PCMT1: variants seen among roughly 807,000 people sequenced by gnomAD.
PCMT1 encodes the protein protein-L-isoaspartate(D-aspartate) O-methyltransferase.
Under a neutral mutation model 29.2 loss-of-function variants are expected in PCMT1, and 9 were observed. That is an observed-to-expected ratio of 0.31 (90% CI 0.19 to 0.54). The LOEUF (loss-of-function observed/expected upper bound fraction) is 0.54, where lower values mean the gene tolerates loss of function less well. Among genes scored for constraint, PCMT1 ranks in the 20% least tolerant of loss-of-function variants. The pLI is 0.95. For missense variants in PCMT1, 184 were observed against 282.2 expected (o/e 0.65, Z 2.49); for synonymous variants, 98 against 97.5 (o/e 1.00, Z -0.03).
At chr6:149,769,308 C>CTTTTTTTTTTTTTGTTTTTTTTTTTTT (rs1787215481) in intron 1 of PCMT1, among the ~76,000 whole-genome samples, 1 of 71,562 alleles carries the variant, frequency 1.4e-5, no homozygotes, top group African/African-American at 8.6e-5. Context: ...GTGCAGGATT[C>CTTTTTTTTTTTTTGTTTTTTTTTTTTT]TTTTTTTTTT....
chr6:149,771,705 C>T (rs543141708), intron 2 of PCMT1, among the ~76,000 whole-genome samples: 12 of 151,978 alleles, frequency 7.9e-5, no homozygotes, highest in Non-Finnish European at 1.5e-4. Context: ...TTAGTAGAGA[C>T]GGGGTTTCAG....
At chr6:149,774,266 G>A (rs1787460189) in intron 3 of PCMT1, among the ~76,000 whole-genome samples, 1 of 150,698 alleles carries the variant, frequency 6.6e-6, no homozygotes, top group Admixed American at 6.6e-5. Context: ...TTGAGATGGA[G>A]TCTCACACTG....
chr6:149,773,828 A>G lies in PCMT1; in HGVS notation c.192+659A>G, dbSNP rs182426311. Among the ~76,000 whole-genome samples, 612 of 152,354 alleles carry G rather than the reference A, an allele frequency of 4.0e-3. 2 individuals are homozygous for G. Among genetic ancestry groups the G allele is most frequent in the Non-Finnish European group, 5.4e-3 (369 of 68,036 alleles). On this transcript the variant is annotated intron_variant, in intron 3 of 7. Transcript: ENST00000464889. ...TTTTAAATAGTATAATGGACATTTT[A>G]TAGAAATCTCAAGTTGAATATTATT...
intron 1 of PCMT1, among the ~76,000 whole-genome samples, chr6:149,761,801 ATAACAT>A (rs1206750969): frequency 3.3e-5 from 5 of 152,206 alleles, no homozygotes; most frequent in Admixed American, 3.3e-4. Context: ...GTCAAAGTTG[ATAACAT>A]TTACATTTTG....
At chr6:149,776,583 AT>A (rs1163702448) in intron 3 of PCMT1, among the ~76,000 whole-genome samples, 2 of 151,268 alleles carry the variant, frequency 1.3e-5, no homozygotes, top group Admixed American at 1.3e-4. Context: ...GGCCATTAAA[AT>A]TTTTTTTTGT....
intron 1 of PCMT1, among the ~76,000 whole-genome samples, chr6:149,756,353 CTTT>C (rs5880848): frequency 7.1e-6 from 1 of 141,624 alleles, no homozygotes; most frequent in Non-Finnish European, 1.5e-5. Context: ...TATTCTTTCC[CTTT>C]TTTTTTTTTT....
At chr6:149,763,857 G>T (rs1786961604) in intron 1 of PCMT1, among the ~76,000 whole-genome samples, 1 of 152,170 alleles carries the variant, frequency 6.6e-6, no homozygotes, top group Non-Finnish European at 1.5e-5. Flanking sequence ...TGACTAGATA[G>T]AAATTCAATA....
intron 6 of PCMT1, among the ~76,000 whole-genome samples, chr6:149,798,467 A>G (rs1019187537): frequency 6.6e-6 from 1 of 152,202 alleles, no homozygotes; most frequent in Non-Finnish European, 1.5e-5. Flanking sequence ...TAAATATTGT[A>G]GTAATACTTG....
At chr6:149,750,108 C>G in intron 1 of PCMT1, 152 bp downstream of exon 1, 1 of 1,094,050 alleles carries the variant, frequency 9.1e-7, no homozygotes, top group Non-Finnish European at 1.3e-6. Context: ...ACGGCGTGCG[C>G]TTGCAGTCGC....
chr6:149,772,763 A>G (rs1301081541), intron 2 of PCMT1: 5 of 349,756 alleles, frequency 1.4e-5, no homozygotes. Flanking sequence ...CACGCCTGTA[A>G]TCCTAGCACT....
At chr6:149,750,731 T>A (rs1264454285) in intron 1 of PCMT1, among the ~76,000 whole-genome samples, 1 of 152,142 alleles carries the variant, frequency 6.6e-6, no homozygotes, top group East Asian at 1.9e-4. Context: ...TTTATATCAC[T>A]CTCCTTAGTT....
chr6:149,806,233 C>T (rs938842498), intron 7 of PCMT1, among the ~76,000 whole-genome samples: 1 of 152,076 alleles, frequency 6.6e-6, no homozygotes, highest in Admixed American at 6.6e-5. Flanking sequence ...GTAGGAGATG[C>T]AAAGACCAAG....
At chr6:149,758,000 A>G in intron 1 of PCMT1, among the ~76,000 whole-genome samples, 1 of 152,010 alleles carries the variant, frequency 6.6e-6, no homozygotes, top group East Asian at 1.9e-4. Flanking sequence ...CTCGTGTCTT[A>G]GCCTCCCGAG....
intron 1 of PCMT1, among the ~76,000 whole-genome samples, chr6:149,751,526 G>C (rs1786321612): frequency 7.3e-6 from 1 of 136,390 alleles, no homozygotes; most frequent in Admixed American, 7.8e-5. Flanking sequence ...CTGTAGCCCA[G>C]ACTGGAGTGC....
At chr6:149,792,881 C>T (rs2115317320) in intron 4 of PCMT1, among the ~76,000 whole-genome samples, 1 of 152,096 alleles carries the variant, frequency 6.6e-6, no homozygotes, top group Middle Eastern at 3.4e-3. Context: ...AGGCGGGAGG[C>T]AGGGTGTGTG....
At chr6:149,767,360 G>A (rs1251077916) in intron 1 of PCMT1, among the ~76,000 whole-genome samples, 2 of 151,168 alleles carry the variant, frequency 1.3e-5, no homozygotes, top group African/African-American at 2.4e-5. Context: ...GCACCCAGCC[G>A]TTCACTCCTT....
intron 1 of PCMT1, among the ~76,000 whole-genome samples, chr6:149,752,355 G>A (rs955076850): frequency 2.0e-5 from 3 of 151,832 alleles, no homozygotes; most frequent in African/African-American, 7.3e-5. Context: ...CCACTACCAC[G>A]CCTGGCTAAT....
intron 3 of PCMT1, among the ~76,000 whole-genome samples, chr6:149,787,124 G>T (rs1477753347): frequency 1.4e-5 from 2 of 145,146 alleles, no homozygotes; most frequent in Non-Finnish European, 3.0e-5. Flanking sequence ...AAAAAAATAC[G>T]AAAACCAGTC....
At chr6:149,774,751 G>C (rs1389073639) in intron 3 of PCMT1, among the ~76,000 whole-genome samples, 2 of 145,516 alleles carry the variant, frequency 1.4e-5, no homozygotes, top group African/African-American at 5.2e-5. Flanking sequence ...CTGTGGCCCA[G>C]GCTGGAGTGC....
Sources: gnomAD v4.1 joint callset for allele counts (sites outside exome capture counted in the v4.1 genomes callset) on GRCh38, gnomAD v4.1.1 for gene constraint, MANE v1.5 for transcripts, NCBI Gene and HGNC (gene_info 2026-07-23, HGNC 2026-07-21) for gene names.